The following CENPU variants were observed in gnomAD, a reference collection of about 807,000 sequenced individuals.
CENPU encodes the protein KSHV latent nuclear antigen interacting protein 1.
Under a neutral mutation model 56.7 loss-of-function variants are expected in CENPU, and 46 were observed. The observed-to-expected ratio is 0.81, with a 90% confidence interval of 0.64 to 1.04. The LOEUF is 1.04. CENPU is among the 50% of genes least tolerant of loss of function. The pLI is 0.00. For synonymous variants in CENPU, 166 were observed against 163.0 expected (o/e 1.02, Z -0.14); for missense variants, 510 against 490.1 (o/e 1.04, Z -0.38).
At chr4:184,707,646 C>T (rs1272656398) in intron 8 of CENPU, among the ~76,000 whole-genome samples, 1 of 152,158 alleles carries the variant, frequency 6.6e-6, no homozygotes, top group African/African-American at 2.4e-5. Context: ...AGGGCTTACC[C>T]CACCCCCTGC....
intron 5 of CENPU, 134 bp downstream of exon 5, chr4:184,717,002 G>A (rs892369572): frequency 3.1e-6 from 2 of 641,180 alleles, no homozygotes; most frequent in African/African-American, 1.8e-5. Context: ...TATGAAAAAT[G>A]GTGCTACGGA....
chr4:184,712,358 G>C (rs1041001548), intron 7 of CENPU, among the ~76,000 whole-genome samples: 4 of 152,096 alleles, frequency 2.6e-5, no homozygotes, highest in Non-Finnish European at 5.9e-5. Context: ...CAAAATCCCA[G>C]AACAGGCAAA....
chr4:184,708,110 G>C (rs1257530124), intron 8 of CENPU, among the ~76,000 whole-genome samples: 1 of 151,038 alleles, frequency 6.6e-6, no homozygotes, highest in African/African-American at 2.4e-5. Flanking sequence ...TGTAATCCCA[G>C]CTATTTGGGA....
intron 1 of CENPU, among the ~76,000 whole-genome samples, chr4:184,732,357 T>G (rs1052542699): frequency 7.9e-5 from 12 of 151,908 alleles, no homozygotes; most frequent in Non-Finnish European, 1.6e-4. Context: ...ACCCCAGGAG[T>G]GTCTGATTCA....
At chr4:184,696,694 A>T (rs28367144) in intron 12 of CENPU, among the ~76,000 whole-genome samples, 1 of 131,006 alleles carries the variant, frequency 7.6e-6, no homozygotes, top group Non-Finnish European at 1.6e-5. Flanking sequence ...TTACATATAT[A>T]TATATTATAT....
intron 4 of CENPU, among the ~76,000 whole-genome samples, chr4:184,720,223 A>G (rs984013469): frequency 6.6e-6 from 1 of 152,194 alleles, no homozygotes; most frequent in African/African-American, 2.4e-5. Context: ...TCAGTAGTTG[A>G]AAAATGTAAC....
chr4:184,733,984 G>GC, intron 1 of CENPU, 32 bp downstream of exon 1: 1 of 1,611,216 alleles, frequency 6.2e-7, no homozygotes, highest in South Asian at 1.1e-5. Flanking sequence ...CTGGTCTCCG[G>GC]CCCCGCGCTC....
chr4:184,728,584 C>T (rs1364926737), intron 3 of CENPU, among the ~76,000 whole-genome samples: 1 of 152,224 alleles, frequency 6.6e-6, no homozygotes, highest in East Asian at 1.9e-4. Flanking sequence ...CCATACTCTT[C>T]TCCTCCCTAA....
chr4:184,731,978 C>A (rs1235381406), intron 1 of CENPU, among the ~76,000 whole-genome samples: 2 of 151,116 alleles, frequency 1.3e-5, no homozygotes, highest in Non-Finnish European at 2.9e-5. Context: ...CATTATACTG[C>A]ATATTCATGG....
intron 4 of CENPU, among the ~76,000 whole-genome samples, chr4:184,720,749 G>T (rs924570051): frequency 1.8e-4 from 28 of 151,856 alleles, no homozygotes; most frequent in African/African-American, 6.8e-4. Context: ...AGTGTTGAAG[G>T]AAAAAAACTT....
chr4:184,695,234 G>T lies in CENPU; in HGVS notation c.*54C>A. On this transcript the variant is annotated 3_prime_UTR_variant, in exon 13 of 13. Transcript: ENST00000281453. ...GATTTATAAAGGTACAGTTTCAGAAGGTAACAGCATGAGACTAGTCTTCCT... is the reference window on the plus strand; with the variant it reads ...GATTTATAAAGGTACAGTTTCAGAATGTAACAGCATGAGACTAGTCTTCCT... 8.8e-7 allele frequency: 1 copy of T among 1,141,680 alleles called. No individual in the cohort carries two copies. The highest frequency in any genetic ancestry group is 1.3e-6 in the Non-Finnish European group (1 of 754,396). The allele number at this position is 1,141,680 out of a possible 1,614,324, so 70.7% of individuals were successfully genotyped here.
intron 1 of CENPU, among the ~76,000 whole-genome samples, chr4:184,731,296 G>T (rs1485591607): frequency 6.6e-6 from 1 of 152,184 alleles, no homozygotes; most frequent in Non-Finnish European, 1.5e-5. Flanking sequence ...CCGGTGCCTG[G>T]CTCTCCTACG....
chr4:184,724,174 G>T (rs995991930), intron 4 of CENPU, among the ~76,000 whole-genome samples: 2 of 152,138 alleles, frequency 1.3e-5, no homozygotes, highest in African/African-American at 4.8e-5. Flanking sequence ...GCTGAGGCAG[G>T]AGAATGGCGT....
intron 11 of CENPU, chr4:184,699,678 TGA>T (rs1217030644): frequency 3.7e-5 from 44 of 1,177,706 alleles, no homozygotes; most frequent in Non-Finnish European, 4.7e-5. Context: ...CTTTTTTTTT[TGA>T]GACACAGTTT....
At chr4:184,713,539 A>G (rs1760993320) in intron 6 of CENPU, among the ~76,000 whole-genome samples, 1 of 152,264 alleles carries the variant, frequency 6.6e-6, no homozygotes. Context: ...ACTTTTAACA[A>G]TTGTTGCCTT....
Position 184,718,850 on chromosome 4 carries a change from A to C in CENPU, c.321-1654T>G, listed in dbSNP as rs902171. Among the ~76,000 whole-genome samples the C allele has an allele frequency of 2.8e-3, 425 of 152,232 alleles. 2 individuals are homozygous for C. Among genetic ancestry groups the C allele is most frequent in the Middle Eastern group, 0.017 (5 of 294 alleles). The stretch of plus-strand genomic sequence containing the variant: ...ACACTAGATGAGAAGGAAAAGGATG[A>C]AGCTCAGTTTTGCCTTTGTTGAGTG... On this transcript the variant is annotated intron_variant, in intron 4 of 12. Transcript: ENST00000281453.
At chr4:184,698,634 G>A (rs1157699833) in intron 11 of CENPU, among the ~76,000 whole-genome samples, 1 of 152,128 alleles carries the variant, frequency 6.6e-6, no homozygotes, top group African/African-American at 2.4e-5. Flanking sequence ...ATTTTTAGTA[G>A]AGACGGGGTT....
Position 184,734,089 on chromosome 4 carries a change from T to A in CENPU, c.-27A>T, listed in dbSNP as rs747328902. ...GTGCCGCTCTCCGCTCTCGAGCGAC[T>A]GGAAGCTCCCGCCAAGCCCCTCGCC... is the stretch of plus-strand genomic sequence containing the variant. On this transcript the variant is annotated 5_prime_UTR_variant, in exon 1 of 13. Transcript: ENST00000281453. The A allele has an allele frequency of 3.9e-6, 6 of 1,542,402 alleles. No homozygotes were observed. The highest frequency in any genetic ancestry group is 4.9e-5 in the East Asian group (2 of 40,824).
intron 5 of CENPU, 76 bp from the exon 6 acceptor site, chr4:184,716,709 C>T: frequency 9.0e-7 from 1 of 1,115,202 alleles, no homozygotes; most frequent in South Asian, 1.4e-5. Context: ...TAGTAGAAAA[C>T]CATATATATA....
Sources: allele counts gnomAD v4.1 joint callset (sites outside exome capture counted in the v4.1 genomes callset), GRCh38; gene constraint gnomAD v4.1.1; transcripts MANE v1.5; gene names NCBI Gene and HGNC (gene_info 2026-07-23, HGNC 2026-07-21).